Variants in RYR3 observed in about 807,000 individuals in gnomAD.
The protein encoded by RYR3 is ryanodine receptor 3.
Under a neutral mutation model 584.3 loss-of-function variants are expected in RYR3, and 207 were observed. The ratio of observed to expected loss-of-function variants is 0.35; its 90% CI spans 0.32 to 0.40. The LOEUF (loss-of-function observed/expected upper bound fraction) is 0.40, where lower values mean the gene tolerates loss of function less well. Ranked by LOEUF, RYR3 falls within the 10% of genes least tolerant of loss-of-function variation. The pLI is 1.00. For synonymous variants in RYR3, 2,416 were observed against 2,248.5 expected (o/e 1.07, Z -2.11); for missense variants, 5,616 against 6,089.2 (o/e 0.92, Z 2.59).
chr15:33,622,656 G>A (rs2060785847), intron 19 of RYR3, among the ~76,000 whole-genome samples: 1 of 152,204 alleles, frequency 6.6e-6, no homozygotes, highest in Admixed American at 6.5e-5. Context: ...AATGGAGAAG[G>A]GCAGGGGAAT....
At position 33,686,894 on chromosome 15, in the gene RYR3, T is replaced by A. The variant is rs529598524; in HGVS notation, c.5861-9324T>A. The stretch of plus-strand genomic sequence containing the variant: ...AGCGCTTCATGCTAAAAACTCTCAA[T>A]AAACTAGGTGTTGATGGGCCTTATC... On this transcript the variant is annotated intron_variant, in intron 38 of 103. Coordinates refer to ENST00000634891, the MANE Select transcript of RYR3 (RefSeq NM_001036.6). Among the ~76,000 whole-genome samples, 3 of 152,276 alleles carry A rather than the reference T, an allele frequency of 2.0e-5. No individual in the cohort carries two copies. The East Asian group carries it at 5.8e-4, about 29-fold the overall frequency.
chr15:33,438,851 C>A (rs572372733), intron 1 of RYR3, among the ~76,000 whole-genome samples: 39 of 152,086 alleles, frequency 2.6e-4, no homozygotes, highest in Non-Finnish European at 5.3e-4. Flanking sequence ...CAAAAATACA[C>A]CTGCACATAA....
chr15:33,694,418 G>C (rs2065680401), intron 38 of RYR3, among the ~76,000 whole-genome samples: 1 of 149,592 alleles, frequency 6.7e-6, no homozygotes, highest in Non-Finnish European at 1.5e-5. Context: ...TTAATTTTTT[G>C]TATTTTTAGT....
At chr15:33,542,831 A>T (rs2055930756) in intron 7 of RYR3, among the ~76,000 whole-genome samples, 1 of 152,128 alleles carries the variant, frequency 6.6e-6, no homozygotes, top group African/African-American at 2.4e-5. Context: ...AGGAATAACA[A>T]ATCCCATTTC....
chr15:33,773,988 A>C, intron 64 of RYR3, among the ~76,000 whole-genome samples: 1 of 152,222 alleles, frequency 6.6e-6, no homozygotes. Context: ...AAGGGACATG[A>C]GGCAGTTGCT....
Position 33,699,694 on chromosome 15 carries a change from C to T in RYR3, c.6250-10C>T, listed in dbSNP as rs2152771042. 1 of 1,612,812 alleles carries T rather than the reference C, an allele frequency of 6.2e-7. No homozygotes were observed. Among genetic ancestry groups the T allele is most frequent in the Non-Finnish European group, 8.5e-7 (1 of 1,179,208 alleles). ...TTCTTTTGTCTGACACTTTCTACTTCTCCCTACAGATTGCATTTCCAAAGA... is the reference window on the plus strand; with the variant it reads ...TTCTTTTGTCTGACACTTTCTACTTTTCCCTACAGATTGCATTTCCAAAGA... On this transcript the variant is annotated splice_polypyrimidine_tract_variant and intron_variant, in intron 40 of 103. Transcript: ENST00000634891.
chr15:33,820,834 A>G lies in RYR3; in HGVS notation c.10815+22A>G, dbSNP rs775845124. 32 of 1,470,284 alleles carry G rather than the reference A, an allele frequency of 2.2e-5. No individual in the cohort carries two copies. The Middle Eastern group carries it at 5.2e-4, about 24-fold the overall frequency. 91.1% of individuals were successfully genotyped at this position (1,470,284 alleles called of 1,614,324 possible). ...CGAAGTAAGTTCTCATGAAGAATAA[A>G]AATAGAGCCACCCTCCAAGGCCAAT... On this transcript the variant is annotated intron_variant, in intron 78 of 103. Coordinates refer to ENST00000634891, the MANE Select transcript of RYR3 (RefSeq NM_001036.6).
intron 59 of RYR3, 79 bp from the exon 60 acceptor site, chr15:33,757,396 G>A: frequency 6.7e-7 from 1 of 1,488,738 alleles, no homozygotes; most frequent in Non-Finnish European, 9.1e-7. Context: ...TTTGCTCACT[G>A]AAAATAAACA....
At chr15:33,800,745 C>T in intron 67 of RYR3, 25 bp from the exon 68 acceptor site, 1 of 1,541,160 alleles carries the variant, frequency 6.5e-7, no homozygotes, top group Non-Finnish European at 9.0e-7. Flanking sequence ...ATTTCAAATG[C>T]CTGTTTATTT....
chr15:33,542,074 T>C (rs2055866064), intron 7 of RYR3, among the ~76,000 whole-genome samples: 2 of 152,264 alleles, frequency 1.3e-5, no homozygotes, highest in South Asian at 4.1e-4. Flanking sequence ...CTTATAGAAG[T>C]GTTGAGTGCC....
intron 1 of RYR3, among the ~76,000 whole-genome samples, chr15:33,468,936 C>G (rs548298909): frequency 6.6e-6 from 1 of 152,292 alleles, no homozygotes; most frequent in South Asian, 2.1e-4. Context: ...CTGCTCTATA[C>G]AGGCTTTCAT....
Position 33,696,335 on chromosome 15 carries a change from T to C in RYR3, c.5978T>C (p.Ile1993Thr), listed in dbSNP as rs200006806. Residue 1993 changes from isoleucine (I) to threonine (T), a missense_variant, in exon 39 of 104, where the codon ATT becomes ACT. Physicochemically the swap from Ile to Thr is moderately conservative, Grantham distance 89 (BLOSUM62 -1). Around this residue, in one of 9 missense-constraint regions of RYR3, gnomAD observed 1,280 missense variants for 1,426.2 expected, o/e 0.90. Transcript: ENST00000634891. Reference sequence around the variant, plus strand: ...CTCCTCCGGAGGCAGTATGACAGCATTGGGGAGCTGCTGCAGGCGCTGCGG... The same window carrying C: ...CTCCTCCGGAGGCAGTATGACAGCACTGGGGAGCTGCTGCAGGCGCTGCGG... Reference protein sequence around the residue: ...FNLLRRQYDSIGELLQALRKT... With the variant: ...FNLLRRQYDSTGELLQALRKT... The C allele has an allele frequency of 1.6e-4, 258 of 1,613,768 alleles. 1 individual carries two copies. The highest frequency in any genetic ancestry group is 5.3e-4 in the African/African-American group (40 of 74,958).
At chr15:33,335,505 A>G (rs1243261086) in intron 1 of RYR3, among the ~76,000 whole-genome samples, 1 of 152,178 alleles carries the variant, frequency 6.6e-6, no homozygotes, top group Non-Finnish European at 1.5e-5. Context: ...ATAGAGGGGA[A>G]CAGCATACGT....
chr15:33,728,062 A>T (rs1213201545), intron 46 of RYR3, among the ~76,000 whole-genome samples: 1 of 152,200 alleles, frequency 6.6e-6, no homozygotes, highest in Admixed American at 6.5e-5. Context: ...TCTATTTATG[A>T]TGTAATAACT....
rs116926961 is a variant in RYR3 at position 33,696,482 on chromosome 15, A to C, written c.6125A>C (p.Asn2042Thr). The change falls in exon 39 of 104, where the codon AAT (asparagine) becomes ACT (threonine). Residue 2042 changes from asparagine (N) to threonine (T), a missense_variant. Coordinates refer to ENST00000634891, the MANE Select transcript of RYR3 (RefSeq NM_001036.6). ...AAGGAAGAGGAGTTGCTCATGATCA[A>C]TGGGCTGGGGTAGGTGATTCACGGT... ...MGKEEELLMI[N>T]GLGDIMNNKV... 164 of 1,613,944 alleles carry C rather than the reference A, an allele frequency of 1.0e-4. 1 individual carries two copies. The East Asian group carries it at 3.2e-3, about 32-fold the overall frequency.
At chr15:33,765,141 T>C (rs967350453) in intron 60 of RYR3, among the ~76,000 whole-genome samples, 3 of 152,004 alleles carry the variant, frequency 2.0e-5, no homozygotes, top group Non-Finnish European at 4.4e-5. Flanking sequence ...AAAAAATTTT[T>C]CATCAAAAGC....
At chr15:33,758,533 C>T (rs1278884034) in intron 60 of RYR3, among the ~76,000 whole-genome samples, 4 of 152,266 alleles carry the variant, frequency 2.6e-5, no homozygotes, top group South Asian at 2.1e-4. Flanking sequence ...CCAGGAAGTT[C>T]GAACTGGGTG....
chr15:33,589,608 C>A (rs989587855), intron 16 of RYR3, among the ~76,000 whole-genome samples: 1 of 152,128 alleles, frequency 6.6e-6, no homozygotes, highest in African/African-American at 2.4e-5. Context: ...ACACTTAAGT[C>A]TTTAACTATA....
In RYR3 at chr15:33,865,884, TGAA is replaced by T. The variant is rs1263952605; in HGVS notation, c.*660_*662del. On this transcript the variant is annotated 3_prime_UTR_variant, in exon 104 of 104. Transcript: ENST00000634891. The stretch of plus-strand genomic sequence containing the variant: ...CCGTCTTACTTTATGAAACTGCACT[TGAA>T]GGTTATTCATACAAGTTTTTTTAGT... The T allele has an allele frequency of 2.0e-5, 3 of 152,638 alleles. No individual in the cohort carries two copies. Among genetic ancestry groups the T allele is most frequent in the African/African-American group, 4.8e-5 (2 of 41,444 alleles). The allele number at this position is 152,638 out of a possible 1,614,324, so 9.5% of individuals were successfully genotyped here.
Sources: gnomAD v4.1 joint callset for allele counts (sites outside exome capture counted in the v4.1 genomes callset) on GRCh38, gnomAD v4.1.1 for gene constraint, gnomAD v4.1.1 regional missense constraint, MANE v1.5 for transcripts, NCBI Gene and HGNC (gene_info 2026-07-23, HGNC 2026-07-21) for gene names.